POLN: variants seen among roughly 807,000 people sequenced by gnomAD.
POLN encodes DNA polymerase N.
POLN carries 108 observed loss-of-function variants against 113.5 expected under a neutral mutation model. The observed-to-expected ratio is 0.95, with a 90% CI of 0.81 to 1.12. The LOEUF is 1.12. Among genes scored for constraint, POLN ranks in the 50% most tolerant of loss-of-function variants. The pLI, the probability that POLN is intolerant of heterozygous loss-of-function variation, is 0.00. For missense variants in POLN, 1,097 were observed against 1,077.1 expected (o/e 1.02, Z -0.26); for synonymous variants, 386 against 391.5 (o/e 0.99, Z 0.17).
At chr4:2,119,173 T>A (rs937325044) in intron 19 of POLN, among the ~76,000 whole-genome samples, 1 of 152,198 alleles carries the variant, frequency 6.6e-6, no homozygotes, top group Non-Finnish European at 1.5e-5. Flanking sequence ...TCCAAAACCA[T>A]CTTAAGCAGA....
intron 19 of POLN, among the ~76,000 whole-genome samples, chr4:2,096,694 G>GAGAC (rs1730800783): frequency 7.8e-6 from 1 of 128,758 alleles, no homozygotes. Context: ...GAAAGAGAGA[G>GAGAC]AGAGAGAGAG....
chr4:2,075,399 C>T (rs1730251346), intron 24 of POLN, 53 bp downstream of exon 24: 2 of 1,582,448 alleles, frequency 1.3e-6, no homozygotes, highest in African/African-American at 2.7e-5. Flanking sequence ...GGGCATGGAG[C>T]CTCCTCTTAG....
intron 19 of POLN, among the ~76,000 whole-genome samples, chr4:2,121,795 T>C (rs1367712618): frequency 1.3e-5 from 2 of 152,110 alleles, no homozygotes; most frequent in Non-Finnish European, 2.9e-5. Context: ...GCTAACTTTT[T>C]TTTTTACCAA....
chr4:2,197,154 A>T (rs1239751674), intron 6 of POLN, among the ~76,000 whole-genome samples: 10 of 152,138 alleles, frequency 6.6e-5, no homozygotes, highest in Admixed American at 6.5e-4. Context: ...GAGCTGTTTG[A>T]GGGTTTGGGA....
At chr4:2,091,358 A>G (rs1399827496) in intron 20 of POLN, among the ~76,000 whole-genome samples, 1 of 152,092 alleles carries the variant, frequency 6.6e-6, no homozygotes, top group Admixed American at 6.5e-5. Flanking sequence ...AAGCCCATCC[A>G]CAAGAGAGCG....
intron 13 of POLN, among the ~76,000 whole-genome samples, chr4:2,165,728 G>C (rs1732712977): frequency 6.6e-6 from 1 of 152,024 alleles, no homozygotes; most frequent in Admixed American, 6.6e-5. Flanking sequence ...GGGAGTATGG[G>C]AACTCTCTGT....
At chr4:2,160,790 T>C (rs1258923489) in intron 13 of POLN, among the ~76,000 whole-genome samples, 1 of 152,206 alleles carries the variant, frequency 6.6e-6, no homozygotes, top group Admixed American at 6.5e-5. Context: ...TTTCCCTTTA[T>C]GGTTGATGCA....
chr4:2,240,539 C>T (rs545904291), intron 2 of POLN: 16 of 1,613,712 alleles, frequency 9.9e-6, no homozygotes, highest in Non-Finnish European at 1.1e-5. Context: ...TAGCATTTAA[C>T]CTCAGAGATT....
rs186006823 is a variant in POLN, at chr4:2,161,873, A to G, written c.1555-2662T>C. Among the ~76,000 whole-genome samples, 786 of 152,236 alleles carry G rather than the reference A, an allele frequency of 5.2e-3. 6 individuals are homozygous for G. Among genetic ancestry groups the G allele is most frequent in the Non-Finnish European group, 8.1e-3 (551 of 68,008 alleles). ...TAGCTCAGGGTTTGTGAATGCACCA[A>G]TTGACGCTCTGTATCTAGCTACTCT... On this transcript the variant is annotated intron_variant, in intron 13 of 25. Transcript: ENST00000511885.
At chr4:2,236,191 T>A in intron 2 of POLN, 1 of 1,311,196 alleles carries the variant, frequency 7.6e-7, no homozygotes, top group East Asian at 2.3e-5. Context: ...AAGCATTTTT[T>A]TAAAAAGCAT....
At chr4:2,212,718 C>T (rs1734022402) in intron 4 of POLN, among the ~76,000 whole-genome samples, 1 of 151,992 alleles carries the variant, frequency 6.6e-6, no homozygotes, top group Non-Finnish European at 1.5e-5. Flanking sequence ...TCCAATAGAT[C>T]TCAACTCAGA....
intron 16 of POLN, among the ~76,000 whole-genome samples, chr4:2,155,192 T>C (rs76214278): frequency 1.6e-4 from 24 of 152,194 alleles, no homozygotes; most frequent in Non-Finnish European, 3.1e-4. Context: ...TTGTGGTTGG[T>C]TGAGAAATTA....
intron 21 of POLN, among the ~76,000 whole-genome samples, chr4:2,084,201 T>C (rs1346346749): frequency 6.6e-6 from 1 of 152,262 alleles, no homozygotes; most frequent in African/African-American, 2.4e-5. Context: ...TTCCCACATC[T>C]TGACTGGAAT....
intron 2 of POLN, chr4:2,240,753 T>G: frequency 1.2e-6 from 2 of 1,614,012 alleles, no homozygotes; most frequent in Non-Finnish European, 1.7e-6. Context: ...GCCTGATTTC[T>G]GAAGAATGCT....
chr4:2,091,954 GT>G (rs964698316), intron 20 of POLN, among the ~76,000 whole-genome samples: 14 of 152,354 alleles, frequency 9.2e-5, no homozygotes, highest in African/African-American at 3.4e-4. Context: ...TAGTGGGCCT[GT>G]GGGAACATGG....
At chr4:2,180,967 T>G (rs1733125008) in intron 7 of POLN, among the ~76,000 whole-genome samples, 2 of 151,888 alleles carry the variant, frequency 1.3e-5, no homozygotes, top group Non-Finnish European at 2.9e-5. Flanking sequence ...ATTAGGTGAC[T>G]TAGAAAAAGA....
At chr4:2,216,210 A>G (rs758333674) in intron 3 of POLN, among the ~76,000 whole-genome samples, 4 of 152,230 alleles carry the variant, frequency 2.6e-5, no homozygotes, top group Non-Finnish European at 5.9e-5. Flanking sequence ...CAGCAGCCAC[A>G]GCTGGAAATT....
rs1272476350 is a variant in POLN, at chr4:2,126,616, A to G, written c.1982+1497T>C. Among the ~76,000 whole-genome samples the G allele has an allele frequency of 1.3e-5, 2 of 152,032 alleles. No individual in the cohort carries two copies. Among genetic ancestry groups the G allele is most frequent in the Non-Finnish European group, 2.9e-5 (2 of 68,004 alleles). ...AAGCGGAGACCAGAGAGGAGTGGAG[A>G]CCAGAGAGGAGTGGAGACCAGAGAG... On this transcript the variant is annotated intron_variant, in intron 19 of 25. Transcript: ENST00000511885. This position sits in a 1 kb window ranked among gnomAD's most constrained non-coding sequence, Gnocchi z 4.6.
rs34321496 is a variant in POLN, at chr4:2,183,888, C to CT, written c.1022-4424dup. 2.0e-3 allele frequency among the ~76,000 whole-genome samples: 299 copies of CT among 147,196 alleles called. 3 individuals carry two copies. Among genetic ancestry groups the CT allele is most frequent in the Middle Eastern group, 7.0e-3 (2 of 286 alleles). On this transcript the variant is annotated intron_variant, in intron 7 of 25. Coordinates refer to ENST00000511885, the MANE Select transcript of POLN (RefSeq NM_181808.4). ...GCTATTTACAAGGTGTTCTTTTTTT[C>CT]TTTTTTTTTTTGAGACAGAGTCTTG...
Sources: allele counts gnomAD v4.1 joint callset (sites outside exome capture counted in the v4.1 genomes callset), GRCh38; gene constraint gnomAD v4.1.1; non-coding constraint Gnocchi (gnomAD v3.1); transcripts MANE v1.5; gene names NCBI Gene and HGNC (gene_info 2026-07-23, HGNC 2026-07-21).